The following SCUBE1 variants were observed in gnomAD, a reference collection of about 807,000 sequenced individuals.
SCUBE1 encodes the protein signal peptide, CUB and EGF-like domain-containing protein 1.
Under a neutral mutation model 124.4 loss-of-function variants are expected in SCUBE1, and 59 were observed. The observed-to-expected ratio is 0.47, with a 90% CI of 0.38 to 0.59. The LOEUF is 0.59. SCUBE1 is among the 20% of genes least tolerant of loss of function. The pLI is 0.00. For missense variants in SCUBE1, 1,150 were observed against 1,371.2 expected, an observed-to-expected ratio of 0.84 and a Z score of 2.55; for synonymous variants, 545 against 550.9, an observed-to-expected ratio of 0.99 and a Z score of 0.15.
intron 10 of SCUBE1, among the ~76,000 whole-genome samples, chr22:43,226,247 G>A (rs754264136): frequency 7.2e-5 from 11 of 152,304 alleles, no homozygotes; most frequent in Non-Finnish European, 1.5e-4. Flanking sequence ...ACACCAACAC[G>A]AACCTGTAAA....
chr22:43,312,068 G>A (rs1569025954), intron 3 of SCUBE1, among the ~76,000 whole-genome samples: 2 of 152,314 alleles, frequency 1.3e-5, no homozygotes, highest in Admixed American at 1.3e-4. Context: ...GGCATTGCCC[G>A]TGCTACCACT....
Position 43,208,077 on chromosome 22 carries a change from T to C in SCUBE1, c.2729A>G (p.Tyr910Cys), listed in dbSNP as rs1237620439. The C allele has an allele frequency of 1.9e-6, 3 of 1,613,978 alleles. No individual in the cohort carries two copies. Among genetic ancestry groups the C allele is most frequent in the Non-Finnish European group, 1.7e-6 (2 of 1,180,018 alleles). The change falls in exon 20 of 22, where the codon TAC becomes TGC. Residue 910 changes from tyrosine to cysteine, a missense_variant. Tyr to Cys is a radical substitution (Grantham distance 194). Coordinates refer to ENST00000360835, the MANE Select transcript of SCUBE1 (RefSeq NM_173050.5). Reference sequence around the variant, plus strand: ...GTGAAGACAGTGGATCTTACCATCGTAGGTGACATAGGGCACTTGGAAGCC... The same window carrying C: ...GTGAAGACAGTGGATCTTACCATCGCAGGTGACATAGGGCACTTGGAAGCC... ...GKGFQVPYVTYDEDYQQLIED... is the reference protein window; with the variant it reads ...GKGFQVPYVTCDEDYQQLIED...
intron 3 of SCUBE1, 148 bp downstream of exon 3, chr22:43,319,789 G>C (rs1926481045): frequency 2.2e-6 from 2 of 894,676 alleles, no homozygotes; most frequent in Admixed American, 5.6e-5. Context: ...AAGCCACCCA[G>C]TCTGTGGTAT....
rs1478734794 is a variant in SCUBE1 at position 43,215,063 on chromosome 22, G to A, written c.1892-812C>T. 3.3e-5 allele frequency among the ~76,000 whole-genome samples: 5 copies of A among 152,202 alleles called. No individual in the cohort carries two copies. The East Asian group carries it at 5.8e-4, about 18-fold the overall frequency. On this transcript the variant is annotated intron_variant, in intron 15 of 21. Transcript: ENST00000360835. The stretch of plus-strand genomic sequence containing the variant: ...TTCTGTCCGATGAGAGGGCCTAGAG[G>A]CAGTGGTACTCCAGGAGCAATGAAT...
intron 4 of SCUBE1, among the ~76,000 whole-genome samples, chr22:43,280,134 G>A (rs1334929215): frequency 6.6e-6 from 1 of 152,080 alleles, no homozygotes; most frequent in South Asian, 2.1e-4. Context: ...TGAGCAAGGC[G>A]CTGGGCAGGG....
chr22:43,314,837 C>A (rs2146778749), intron 3 of SCUBE1, among the ~76,000 whole-genome samples: 2 of 152,200 alleles, frequency 1.3e-5, no homozygotes, highest in Non-Finnish European at 2.9e-5. Flanking sequence ...GCCTCTAGGT[C>A]ATTAGTTAGG....
intron 4 of SCUBE1, among the ~76,000 whole-genome samples, chr22:43,268,791 C>A (rs1003079348): frequency 3.9e-5 from 6 of 152,162 alleles, no homozygotes; most frequent in Non-Finnish European, 7.3e-5. Flanking sequence ...CAGAAGGAAG[C>A]CAGAGGGGAG....
intron 4 of SCUBE1, among the ~76,000 whole-genome samples, chr22:43,273,643 G>T (rs544137932): frequency 1.8e-4 from 22 of 123,988 alleles, no homozygotes; most frequent in African/African-American, 6.3e-4. Flanking sequence ...TCAAATCACA[G>T]CTCACTGCAG....
chr22:43,319,289 G>C (rs1004005493), intron 3 of SCUBE1, among the ~76,000 whole-genome samples: 1 of 152,084 alleles, frequency 6.6e-6, no homozygotes, highest in Non-Finnish European at 1.5e-5. Context: ...GTGGCTGGCC[G>C]GGCAAGGTGG....
chr22:43,284,669 C>T lies in SCUBE1; in HGVS notation c.484+6377G>A, dbSNP rs11912915. ...TCTGGAAAATGGGGCACTGTAAGGA[C>T]GCAATGAATGGAAATGCATGGAAAG... On this transcript the variant is annotated intron_variant, in intron 4 of 21. Coordinates refer to ENST00000360835, the MANE Select transcript of SCUBE1 (RefSeq NM_173050.5). Among the ~76,000 whole-genome samples, 566 of 152,340 alleles carry T rather than the reference C, an allele frequency of 3.7e-3. 5 individuals carry two copies. The highest frequency in any genetic ancestry group is 0.013 in the African/African-American group (536 of 41,584).
At chr22:43,334,996 A>G (rs9608015) in intron 2 of SCUBE1, among the ~76,000 whole-genome samples, 23,677 of 152,164 alleles carry the variant, frequency 0.16, 2,039 homozygotes, top group Admixed American at 0.19. Flanking sequence ...GGCTGTTAAC[A>G]CCCTCTTCTC....
intron 6 of SCUBE1, among the ~76,000 whole-genome samples, chr22:43,248,801 C>T (rs531622295): frequency 4.6e-5 from 7 of 152,328 alleles, no homozygotes; most frequent in East Asian, 3.9e-4. Context: ...CTTCCAAGCA[C>T]GTCCAGGCTG....
chr22:43,276,097 G>A (rs1415119551), intron 4 of SCUBE1: 1 of 152,568 alleles, frequency 6.6e-6, no homozygotes, highest in Non-Finnish European at 1.5e-5. Flanking sequence ...CCCAGCGCTG[G>A]TGCCCCACTG....
At chr22:43,252,616 T>G (rs1923496899) in intron 6 of SCUBE1, among the ~76,000 whole-genome samples, 1 of 152,156 alleles carries the variant, frequency 6.6e-6, no homozygotes, top group South Asian at 2.1e-4. Context: ...CGAAAGGGGC[T>G]CAGGCTGCCC....
At chr22:43,325,056 CGCGGAGAGAAG>C (rs1357473815) in intron 2 of SCUBE1, among the ~76,000 whole-genome samples, 2 of 151,054 alleles carry the variant, frequency 1.3e-5, no homozygotes, top group Non-Finnish European at 2.9e-5. Context: ...CACACAGACA[CGCGGAGAGAAG>C]GCAGCCGTGG....
In SCUBE1 at chr22:43,203,970, A is replaced by G. The variant is rs1375307414; in HGVS notation, c.*27T>C. 2 of 1,612,774 alleles carry G rather than the reference A, an allele frequency of 1.2e-6. No homozygotes were observed. The highest frequency in any genetic ancestry group is 1.3e-5 in the African/African-American group (1 of 74,908). On this transcript the variant is annotated 3_prime_UTR_variant, in exon 22 of 22. Transcript: ENST00000360835. ...AGGTGCACCCTCCGCGGACCAGGCC[A>G]CCCCCAGGCAGGGCCGCTCCCCCCG... is the stretch of plus-strand genomic sequence containing the variant.
intron 2 of SCUBE1, among the ~76,000 whole-genome samples, chr22:43,336,759 G>A (rs1373247940): frequency 1.3e-5 from 2 of 152,214 alleles, no homozygotes; most frequent in African/African-American, 2.4e-5. Context: ...GTGTGTGCAC[G>A]TGTAAGTGTG....
rs1335964312 is a variant in SCUBE1, at chr22:43,268,432, CCCGTCAGG to C, written c.485-5595_485-5588del. On this transcript the variant is annotated intron_variant, in intron 4 of 21. Coordinates refer to ENST00000360835, the MANE Select transcript of SCUBE1 (RefSeq NM_173050.5). ...AATCCTGGTCTTCAGAGGCCTGATG[CCCGTCAGG>C]CCAGGCGGCCCGCCAGGTCGAATCT... Among the ~76,000 whole-genome samples the C allele has an allele frequency of 2.0e-5, 3 of 152,366 alleles. No homozygotes were observed. In the East Asian group the frequency reaches 5.8e-4, roughly 29 times the overall value.
At chr22:43,308,549 G>A (rs1926059023) in intron 3 of SCUBE1, among the ~76,000 whole-genome samples, 1 of 152,216 alleles carries the variant, frequency 6.6e-6, no homozygotes. Flanking sequence ...CCTTCGTTAG[G>A]GGTTCCAGGG....
Sources: allele counts gnomAD v4.1 joint callset (sites outside exome capture counted in the v4.1 genomes callset), GRCh38; gene constraint gnomAD v4.1.1; transcripts MANE v1.5; gene names NCBI Gene and HGNC (gene_info 2026-07-23, HGNC 2026-07-21).